The following MTUS1 variants were observed in gnomAD, a reference collection of about 807,000 sequenced individuals.
MTUS1 encodes microtubule-associated tumor suppressor 1.
Under a neutral mutation model 120.8 loss-of-function variants are expected in MTUS1, and 109 were observed. The observed-to-expected ratio is 0.90, with a 90% CI of 0.77 to 1.06. MTUS1 has a LOEUF of 1.06. Among genes scored for constraint, MTUS1 ranks in the 50% least tolerant of loss-of-function variants. The probability of loss-of-function intolerance (pLI) is 0.00; values close to 1 mark genes in which losing one functional copy is unlikely to be tolerated. For missense variants in MTUS1, 2,210 were observed against 1,486.3 expected (o/e 1.49, Z -8.01); for synonymous variants, 737 against 550.5 (o/e 1.34, Z -4.74).
At position 17,653,445 on chromosome 8, in the gene MTUS1, CAGAA is replaced by C; in HGVS notation, c.3264_3267del (p.Ser1089ArgfsTer6). The stretch of plus-strand genomic sequence containing the variant: ...CCCACCTCTAGCGATTCCTGCTTCT[CAGAA>C]AGTAAATCTTCAAGCGATTTCTTTT... On this transcript the variant is annotated frameshift_variant, in exon 11 of 15. Coordinates refer to ENST00000693296, the MANE Select transcript of MTUS1 (RefSeq NM_001363059.2). LOFTEE classifies it high-confidence loss of function. 1 of 1,611,648 alleles carries C rather than the reference CAGAA, an allele frequency of 6.2e-7. No individual in the cohort carries two copies. Among genetic ancestry groups the C allele is most frequent in the South Asian group, 1.1e-5 (1 of 90,304 alleles).
At chr8:17,702,826 T>A (rs963309970) in intron 6 of MTUS1, among the ~76,000 whole-genome samples, 26 of 152,346 alleles carry the variant, frequency 1.7e-4, no homozygotes, top group Middle Eastern at 3.4e-3. Flanking sequence ...TGACCATTGT[T>A]GCAGGGAGTC....
intron 8 of MTUS1, among the ~76,000 whole-genome samples, chr8:17,671,649 G>A (rs1563172997): frequency 6.6e-6 from 1 of 152,208 alleles, no homozygotes; most frequent in Non-Finnish European, 1.5e-5. Flanking sequence ...TGCGGAAGGT[G>A]GAAAGCACAG....
At chr8:17,711,957 G>C (rs968174961) in intron 6 of MTUS1, among the ~76,000 whole-genome samples, 1 of 152,192 alleles carries the variant, frequency 6.6e-6, no homozygotes, top group Non-Finnish European at 1.5e-5. Context: ...CGTATCAGCT[G>C]TGTTCACTGT....
chr8:17,775,094 G>C (rs1403066063), intron 1 of MTUS1, among the ~76,000 whole-genome samples: 2 of 152,070 alleles, frequency 1.3e-5, no homozygotes, highest in South Asian at 2.1e-4. Context: ...CAGGGGCTGG[G>C]GCAGGGGAAC....
intron 3 of MTUS1, among the ~76,000 whole-genome samples, chr8:17,724,648 G>C (rs1291324670): frequency 3.3e-5 from 5 of 152,104 alleles, no homozygotes; most frequent in Non-Finnish European, 7.4e-5. Context: ...TGGCATCTCT[G>C]AAACTACATT....
chr8:17,711,595 C>A (rs12678396), intron 6 of MTUS1, among the ~76,000 whole-genome samples: 19,404 of 152,168 alleles, frequency 0.13, 1,422 homozygotes, highest in African/African-American at 0.2. Context: ...GACTTTCTCT[C>A]TGCCGGGAGT....
intron 6 of MTUS1, among the ~76,000 whole-genome samples, chr8:17,696,704 C>G (rs145125757): frequency 6.6e-6 from 1 of 152,188 alleles, no homozygotes; most frequent in African/African-American, 2.4e-5. Flanking sequence ...TGAGACTGCA[C>G]ACACTTTTAT....
intron 1 of MTUS1, among the ~76,000 whole-genome samples, chr8:17,772,615 T>C (rs888345835): frequency 2.0e-5 from 3 of 152,232 alleles, no homozygotes; most frequent in South Asian, 2.1e-4. Context: ...TAGTAGGTTG[T>C]TGCAAAGCAG....
At chr8:17,724,759 T>G (rs767960509) in intron 3 of MTUS1, among the ~76,000 whole-genome samples, 5 of 152,170 alleles carry the variant, frequency 3.3e-5, no homozygotes, top group Non-Finnish European at 7.4e-5. Context: ...AGAGTCTATT[T>G]TCTCTACTTT....
chr8:17,670,688 T>C (rs1811835924), intron 8 of MTUS1, among the ~76,000 whole-genome samples: 1 of 151,982 alleles, frequency 6.6e-6, no homozygotes, highest in South Asian at 2.1e-4. Context: ...CCCAGCATGG[T>C]GGTATGCACC....
chr8:17,696,704 C>T (rs145125757), intron 6 of MTUS1, among the ~76,000 whole-genome samples: 5 of 152,306 alleles, frequency 3.3e-5, no homozygotes, highest in Middle Eastern at 6.8e-3. Context: ...TGAGACTGCA[C>T]ACACTTTTAT....
At chr8:17,699,805 T>C (rs1161923977) in intron 6 of MTUS1, among the ~76,000 whole-genome samples, 2 of 152,184 alleles carry the variant, frequency 1.3e-5, no homozygotes, top group African/African-American at 4.8e-5. Context: ...CAAATGGCCA[T>C]CGCTTACAAT....
intron 4 of MTUS1, among the ~76,000 whole-genome samples, chr8:17,719,897 CCT>C (rs2045688742): frequency 6.6e-6 from 1 of 152,186 alleles, no homozygotes; most frequent in Non-Finnish European, 1.5e-5. Context: ...ACAATGAGGC[CCT>C]GTCTTATTGC....
intron 6 of MTUS1, among the ~76,000 whole-genome samples, chr8:17,707,081 T>G (rs936742204): frequency 6.6e-6 from 1 of 152,128 alleles, no homozygotes; most frequent in Non-Finnish European, 1.5e-5. Context: ...GATTAAAAAT[T>G]TACACTCAGA....
intron 1 of MTUS1, among the ~76,000 whole-genome samples, chr8:17,765,745 A>G (rs938712248): frequency 7.0e-5 from 10 of 142,690 alleles, no homozygotes; most frequent in Non-Finnish European, 3.1e-5. Flanking sequence ...TTTTGGTTTT[A>G]TTTTTATTTC....
rs556513456 is a variant in MTUS1 at position 17,744,935 on chromosome 8, C to T, written c.2092-1136G>A. Among the ~76,000 whole-genome samples, 11 of 152,214 alleles carry T rather than the reference C, an allele frequency of 7.2e-5. 1 individual carries two copies. Among genetic ancestry groups the T allele is most frequent in the African/African-American group, 2.2e-4 (9 of 41,510 alleles). On this transcript the variant is annotated intron_variant, in intron 2 of 14. Transcript: ENST00000693296. ...GTCTCATCTTCCCAGACCAAACTAA[C>T]GTGTATCTCAAATGTATTGACTGAT...
In MTUS1 at chr8:17,654,584, T is replaced by G. The variant is rs1336954515; in HGVS notation, c.3191A>C (p.Lys1064Thr). Residue 1064 changes from lysine to threonine, a missense_variant, in exon 10 of 15, where the codon AAG becomes ACG. Lys to Thr is a moderately conservative substitution (Grantham distance 78). Transcript: ENST00000693296. ...GCCTGAAAGGGAGGCTTCATAGGCC[T>G]TCTTTAGCAATTCAAGTTTCTCTGA... ...SHSEKLELLKKAYEASLSEIK... is the reference protein window; with the variant it reads ...SHSEKLELLKTAYEASLSEIK... 3.7e-6 allele frequency: 6 copies of G among 1,613,398 alleles called. No individual in the cohort carries two copies. The highest frequency in any genetic ancestry group is 4.2e-6 in the Non-Finnish European group (5 of 1,179,392).
At chr8:17,700,076 G>A (rs1316900613) in intron 6 of MTUS1, among the ~76,000 whole-genome samples, 1 of 152,134 alleles carries the variant, frequency 6.6e-6, no homozygotes, top group Non-Finnish European at 1.5e-5. Context: ...AATTTAAGAG[G>A]AAAAGATAGG....
intron 11 of MTUS1, 43 bp downstream of exon 11, chr8:17,653,382 A>ATTTTT: frequency 6.7e-7 from 1 of 1,499,092 alleles, no homozygotes. Flanking sequence ...CAAAAATGAT[A>ATTTTT]TTTTTTTTTG....
Sources: gnomAD v4.1 joint callset for allele counts (sites outside exome capture counted in the v4.1 genomes callset) on GRCh38, gnomAD v4.1.1 for gene constraint, MANE v1.5 for transcripts, NCBI Gene and HGNC (gene_info 2026-07-23, HGNC 2026-07-21) for gene names.